Variants in RAD51AP2 observed in about 807,000 individuals in gnomAD.
RAD51AP2 encodes the protein RAD51 associated protein 2.
A neutral mutation model predicts 85.5 loss-of-function variants in RAD51AP2; 67 were observed. The observed-to-expected ratio is 0.78, with a 90% confidence interval of 0.64 to 0.96. The LOEUF is 0.96. Ranked by LOEUF, RAD51AP2 falls within the 40% of genes least tolerant of loss-of-function variation. The pLI, the probability that RAD51AP2 is intolerant of heterozygous loss-of-function variation, is 0.00. For synonymous variants in RAD51AP2, 474 were observed against 446.5 expected (o/e 1.06, Z -0.78); for missense variants, 1,307 against 1,332.4 (o/e 0.98, Z 0.30).
At chr2:17,513,943 C>G in intron 2 of RAD51AP2, 69 bp downstream of exon 2, 1 of 833,282 alleles carries the variant, frequency 1.2e-6, no homozygotes, top group Non-Finnish European at 2.0e-6. Context: ...CTATACTTTC[C>G]TCATACTAAA....
upstream of RAD51AP2, among the ~76,000 whole-genome samples, chr2:17,522,191 A>G (rs1372870006): frequency 6.6e-6 from 1 of 152,012 alleles, no homozygotes; most frequent in East Asian, 1.9e-4. Context: ...TTTGACATAG[A>G]AAGTTCCTCA....
chr2:17,518,361 AG>A lies in RAD51AP2; in HGVS notation c.54del (p.Ser19LeufsTer2). The A allele has an allele frequency of 6.2e-7, 1 of 1,613,760 alleles. No individual in the cohort carries two copies. The highest frequency in any genetic ancestry group is 1.3e-5 in the African/African-American group (1 of 75,002). On this transcript the variant is annotated frameshift_variant, in exon 1 of 3. Transcript: ENST00000399080. LOFTEE classifies it high-confidence loss of function. ...TCCGGGTCCTCAGGAGGCGTTAAAG[AG>A]GAGGTAGGCTTTCTGAGCTCGGCCA... ...PRMAELRKPT[S>X]SLTPPEDPDS...
chr2:17,518,934 G>A (rs1336141376), upstream of RAD51AP2, among the ~76,000 whole-genome samples: 2 of 152,044 alleles, frequency 1.3e-5, no homozygotes, highest in African/African-American at 4.8e-5. Flanking sequence ...TCTGTGTATG[G>A]AAAAACTTTT....
At chr2:17,533,481 C>A in the RAD51AP2 span, among the ~76,000 whole-genome samples, 1 of 152,202 alleles carries the variant, frequency 6.6e-6, no homozygotes, top group South Asian at 2.1e-4. Context: ...CAAATTCATA[C>A]ACTTTCCATT....
chr2:17,535,607 G>A, the RAD51AP2 span, among the ~76,000 whole-genome samples: 1 of 152,090 alleles, frequency 6.6e-6, no homozygotes, highest in Non-Finnish European at 1.5e-5. Flanking sequence ...TGAGGAATTA[G>A]AGAAATGGAG....
rs2103308028 is a variant in RAD51AP2 at position 17,515,479 on chromosome 2, A to G, written c.2937T>C (p.His979=). The G allele has an allele frequency of 6.2e-7, 1 of 1,613,462 alleles. No individual in the cohort carries two copies. Among genetic ancestry groups the G allele is most frequent in the Non-Finnish European group, 8.5e-7 (1 of 1,179,762 alleles). ...DLVLEELRMF[H]EISRENELLS... ...GAAGTTCATTTTCCCTACTAATTTC[A>G]TGAAACATACGAAGTTCTTCAAGTA... The change falls in exon 1 of 3, where the codon CAT becomes CAC. Residue 979 remains histidine (H), a synonymous_variant. Coordinates refer to ENST00000399080, the MANE Select transcript of RAD51AP2 (RefSeq NM_001099218.3).
upstream of RAD51AP2, among the ~76,000 whole-genome samples, chr2:17,522,004 G>A (rs548932609): frequency 2.6e-4 from 40 of 151,560 alleles, no homozygotes; most frequent in South Asian, 2.3e-3. Context: ...TCAATCTCTC[G>A]TTATCTCTTT....
At position 17,517,634 on chromosome 2, in the gene RAD51AP2, T is replaced by C; in HGVS notation, c.782A>G (p.Gln261Arg). ...TTTGCTATTTAAGTCCATTGGAAAC[T>C]GAGGGACACTTATTGTGCCGCTATC... ...FRDSGTISVP[Q>R]FPMDLNSKMS... is the part of the protein sequence containing the mutation. The change falls in exon 1 of 3, where the codon CAG becomes CGG. Residue 261 changes from glutamine to arginine, a missense_variant. Around this residue, in one of 3 missense-constraint regions of RAD51AP2, gnomAD observed 635 missense variants for 643.6 expected, o/e 0.99. Transcript: ENST00000399080. 1 of 1,614,088 alleles carries C rather than the reference T, an allele frequency of 6.2e-7. No homozygotes were observed. The highest frequency in any genetic ancestry group is 8.5e-7 in the Non-Finnish European group (1 of 1,179,968).
At chr2:17,537,585 T>C in the RAD51AP2 span, among the ~76,000 whole-genome samples, 1 of 152,310 alleles carries the variant, frequency 6.6e-6, no homozygotes. Context: ...TCTTGGCTCA[T>C]ATATTTTACA....
At chr2:17,537,771 ATTGT>A in the RAD51AP2 span, among the ~76,000 whole-genome samples, 428 of 152,256 alleles carry the variant, frequency 2.8e-3, 3 homozygotes, top group African/African-American at 9.6e-3. Context: ...TACTGTTGGT[ATTGT>A]TTGTTTGTTT....
chr2:17,510,865 A>C lies in RAD51AP2; in HGVS notation c.3419T>G (p.Ile1140Ser). ...IRIGLSRKAR[I>S]KQLHPYLKQM... ...TTTCAGATAAGGATGAAGTTGTTTA[A>C]TCCTTGCTTTTCTTGACAAACCAAT... Residue 1140 changes from isoleucine (I) to serine (S), a missense_variant, in exon 3 of 3, where the codon ATT becomes AGT. Ile to Ser is a moderately radical substitution (Grantham distance 142, BLOSUM62 -2). Transcript: ENST00000399080. 1 of 1,609,258 alleles carries C rather than the reference A, an allele frequency of 6.2e-7. No individual in the cohort carries two copies. The highest frequency in any genetic ancestry group is 8.5e-7 in the Non-Finnish European group (1 of 1,177,148).
At chr2:17,515,017 A>AG (rs1405558189) in intron 1 of RAD51AP2, 152 bp downstream of exon 1, 2 of 645,308 alleles carry the variant, frequency 3.1e-6, no homozygotes, top group Non-Finnish European at 5.0e-6. Context: ...GAAAAAAAAA[A>AG]AAAGAAAGAA....
chr2:17,516,035 A>G lies in RAD51AP2; in HGVS notation c.2381T>C (p.Ile794Thr), dbSNP rs2103309161. 1 of 1,613,874 alleles carries G rather than the reference A, an allele frequency of 6.2e-7. No individual in the cohort carries two copies. Among genetic ancestry groups the G allele is most frequent in the South Asian group, 1.1e-5 (1 of 91,070 alleles). The part of the protein sequence containing the change: ...EDLCNVRQQA[I>T]PASHNIIHNE... ...ATGTATTATGTTGTGGCTTGCTGGT[A>G]TGGCCTGTTGCCTAACATTGCAGAG... Residue 794 changes from isoleucine (I) to threonine (T), a missense_variant, in exon 1 of 3, where the codon ATA becomes ACA. By Grantham distance (89) the Ile-to-Thr change is moderately conservative (BLOSUM62 -1). Transcript: ENST00000399080.
the RAD51AP2 span, among the ~76,000 whole-genome samples, chr2:17,528,494 G>A: frequency 2.0e-4 from 31 of 152,106 alleles, no homozygotes; most frequent in African/African-American, 7.5e-4. Flanking sequence ...TTTTTACCAC[G>A]ACCTTGGAAA....
At chr2:17,522,909 A>G (rs1180143770), upstream of RAD51AP2, among the ~76,000 whole-genome samples, 1 of 151,968 alleles carries the variant, frequency 6.6e-6, no homozygotes, top group Non-Finnish European at 1.5e-5. Flanking sequence ...ACATATATTG[A>G]CATTAAATAA....
At chr2:17,528,643 G>A in the RAD51AP2 span, among the ~76,000 whole-genome samples, 43 of 152,168 alleles carry the variant, frequency 2.8e-4, no homozygotes, top group Non-Finnish European at 3.8e-4. Context: ...AGGAGTTCAC[G>A]ACCAGCCTGA....
chr2:17,524,796 G>A, the RAD51AP2 span, among the ~76,000 whole-genome samples: 1 of 151,860 alleles, frequency 6.6e-6, no homozygotes, highest in African/African-American at 2.4e-5. Flanking sequence ...CCAAGTGAAT[G>A]ATATAGAAAA....
chr2:17,518,507 G>A (rs1456774390), upstream of RAD51AP2: 7 of 1,471,362 alleles, frequency 4.8e-6, no homozygotes, highest in Non-Finnish European at 6.4e-6. Context: ...CCCCTGACCC[G>A]CCCCTCAAGA....
Position 17,518,312 on chromosome 2 carries a change from C to G in RAD51AP2, c.104G>C (p.Arg35Pro). 2.5e-6 allele frequency: 4 copies of G among 1,614,094 alleles called. No homozygotes were observed. The South Asian group carries it at 4.4e-5, about 18-fold the overall frequency. The change falls in exon 1 of 3, where the codon CGG becomes CCG. Residue 35 changes from arginine to proline, a missense_variant. By Grantham distance (103) the Arg-to-Pro change is moderately radical. This residue lies in a region of RAD51AP2 where 635 missense variants were observed against 643.6 expected (regional missense o/e 0.99). Transcript: ENST00000399080. ...DPDSQPPSSK[R>P]LCLEEPGGVF... Reference sequence around the variant, plus strand: ...ACCTCCAGGCTCCTCAAGACAGAGCCGCTTGCTACTAGGTGGTTGGGAATC... The same window carrying G: ...ACCTCCAGGCTCCTCAAGACAGAGCGGCTTGCTACTAGGTGGTTGGGAATC...
Sources: gnomAD v4.1 joint callset for allele counts (sites outside exome capture counted in the v4.1 genomes callset) on GRCh38, gnomAD v4.1.1 for gene constraint, gnomAD v4.1.1 regional missense constraint, MANE v1.5 for transcripts, NCBI Gene and HGNC (gene_info 2026-07-23, HGNC 2026-07-21) for gene names.